Variants in LRRC49 observed in about 807,000 individuals in gnomAD.
LRRC49 encodes the protein leucine rich repeat containing 49, also known as leucine-rich repeat-containing protein 49.
In LRRC49, 50 loss-of-function variants were observed where a neutral mutation model predicts 83.3. The ratio of observed to expected loss-of-function variants is 0.60; its 90% confidence interval spans 0.48 to 0.76. The LOEUF (loss-of-function observed/expected upper bound fraction) is 0.76. LRRC49 is among the 30% of genes least tolerant of loss of function. The pLI is 0.00. For synonymous variants in LRRC49, 286 were observed against 283.3 expected (o/e 1.01, Z -0.10); for missense variants, 704 against 809.1 (o/e 0.87, Z 1.58).
intron 11 of LRRC49, among the ~76,000 whole-genome samples, chr15:71,006,523 A>G (rs2038463875): frequency 6.6e-6 from 1 of 152,034 alleles, no homozygotes; most frequent in Non-Finnish European, 1.5e-5. Flanking sequence ...CTGCCCCTTT[A>G]CTGAAACTAT....
intron 1 of LRRC49, among the ~76,000 whole-genome samples, chr15:70,855,578 A>G (rs1316145449): frequency 6.6e-6 from 1 of 152,192 alleles, no homozygotes; most frequent in Non-Finnish European, 1.5e-5. Context: ...TGTCCTTGTA[A>G]AAGAACACCA....
Position 70,962,628 on chromosome 15 carries a change from T to A in LRRC49, c.774-1157T>A, listed in dbSNP as rs149181917. Among the ~76,000 whole-genome samples the A allele has an allele frequency of 1.3e-3, 199 of 150,460 alleles. 3 individuals carry two copies. In the East Asian group the frequency reaches 0.038, roughly 28 times the overall value. On this transcript the variant is annotated intron_variant, in intron 8 of 15. Transcript: ENST00000260382. ...AGTGCTCAGAAAAAGAAAAAAAAAA[T>A]CCACATCGATGGGAACCAAAGGGAC...
intron 11 of LRRC49, among the ~76,000 whole-genome samples, chr15:70,993,759 GT>G (rs1567089204): frequency 6.6e-6 from 1 of 152,176 alleles, no homozygotes; most frequent in East Asian, 1.9e-4. Flanking sequence ...TTATTTTTCA[GT>G]TTCAAGTTTA....
At chr15:71,002,577 A>G (rs1028010402) in intron 11 of LRRC49, among the ~76,000 whole-genome samples, 3 of 152,048 alleles carry the variant, frequency 2.0e-5, no homozygotes, top group East Asian at 3.8e-4. Flanking sequence ...TTTCCTGTCT[A>G]TGAACACTGT....
intron 8 of LRRC49, among the ~76,000 whole-genome samples, chr15:70,940,670 T>C (rs1037691066): frequency 6.6e-6 from 1 of 152,202 alleles, no homozygotes; most frequent in Non-Finnish European, 1.5e-5. Flanking sequence ...GGAAAATCAT[T>C]TCCCTTAGTT....
intron 11 of LRRC49, among the ~76,000 whole-genome samples, chr15:71,007,972 A>G (rs2038519419): frequency 6.6e-6 from 1 of 151,704 alleles, no homozygotes; most frequent in Admixed American, 6.6e-5. Flanking sequence ...TTTTATATGT[A>G]TGGTTCTTAC....
intron 1 of LRRC49, among the ~76,000 whole-genome samples, chr15:70,861,078 A>C (rs1368122666): frequency 6.6e-6 from 1 of 152,226 alleles, no homozygotes; most frequent in African/African-American, 2.4e-5. Flanking sequence ...TATTTTAGAA[A>C]GAAAGAATCT....
At chr15:70,892,383 C>G (rs750744862), upstream of LRRC49, 1 of 1,545,384 alleles carries the variant, frequency 6.5e-7, no homozygotes, top group Admixed American at 2.0e-5. Flanking sequence ...CTGTCCACTC[C>G]GGGTCGGGAT....
chr15:70,910,295 G>T (rs2034498061), intron 5 of LRRC49, among the ~76,000 whole-genome samples: 1 of 152,130 alleles, frequency 6.6e-6, no homozygotes, highest in South Asian at 2.1e-4. Context: ...ATAAAGTGGA[G>T]ACAGAAATTA....
chr15:71,029,909 G>A (rs572916434), intron 14 of LRRC49, among the ~76,000 whole-genome samples: 1 of 151,948 alleles, frequency 6.6e-6, no homozygotes, highest in African/African-American at 2.4e-5. Context: ...GAGCCTATGT[G>A]TGTCTCTGCA....
chr15:70,885,560 T>C, intron 2 of LRRC49, among the ~76,000 whole-genome samples: 1 of 152,024 alleles, frequency 6.6e-6, no homozygotes, highest in East Asian at 1.9e-4. Context: ...CACAGAAAGA[T>C]TGAAAGTAGA....
At chr15:70,975,170 A>C (rs2037162488) in intron 9 of LRRC49, among the ~76,000 whole-genome samples, 1 of 152,174 alleles carries the variant, frequency 6.6e-6, no homozygotes, top group Non-Finnish European at 1.5e-5. Context: ...AGGGCAGACA[A>C]TAAACTAGAG....
chr15:70,960,120 A>G (rs1288153663), intron 8 of LRRC49, among the ~76,000 whole-genome samples: 1 of 152,214 alleles, frequency 6.6e-6, no homozygotes, highest in East Asian at 1.9e-4. Context: ...GTACTTTTCT[A>G]TAAGTGGTTT....
intron 9 of LRRC49, among the ~76,000 whole-genome samples, chr15:70,979,342 T>C (rs866399423): frequency 1.3e-5 from 2 of 152,240 alleles, no homozygotes; most frequent in Middle Eastern, 3.4e-3. Flanking sequence ...TGTTGAGGTA[T>C]GATTGATGAA....
Position 71,049,481 on chromosome 15 carries a change from A to G in LRRC49, c.1930A>G (p.Met644Val), listed in dbSNP as rs2141317527. The change falls in exon 16 of 16, where the codon ATG becomes GTG. Residue 644 changes from methionine to valine, a missense_variant. Around this residue, in one of 3 missense-constraint regions of LRRC49, gnomAD observed 275 missense variants for 338.0 expected, o/e 0.81. Coordinates refer to ENST00000260382, the MANE Select transcript of LRRC49 (RefSeq NM_017691.5). ...DLVKEATEIN[M>V]KNEALQKLWP... ...TGTGAAGGAAGCCACAGAAATCAACATGAAAAATGAGGCTTTGCAGAAGCT... is the reference window on the plus strand; with the variant it reads ...TGTGAAGGAAGCCACAGAAATCAACGTGAAAAATGAGGCTTTGCAGAAGCT... The G allele has an allele frequency of 6.2e-7, 1 of 1,613,748 alleles. No individual in the cohort carries two copies. The highest frequency in any genetic ancestry group is 2.2e-5 in the East Asian group (1 of 44,868).
chr15:70,860,987 A>G (rs2032775483), intron 1 of LRRC49, among the ~76,000 whole-genome samples: 1 of 152,176 alleles, frequency 6.6e-6, no homozygotes. Flanking sequence ...TGTCGAACCC[A>G]AGGATGGAAG....
intron 7 of LRRC49, among the ~76,000 whole-genome samples, chr15:70,935,237 A>G (rs1342360356): frequency 6.6e-6 from 1 of 152,162 alleles, no homozygotes; most frequent in Non-Finnish European, 1.5e-5. Context: ...GTAATGTCAA[A>G]TGAATGGTAT....
At chr15:70,949,157 A>C (rs921591152) in intron 8 of LRRC49, among the ~76,000 whole-genome samples, 2 of 152,214 alleles carry the variant, frequency 1.3e-5, no homozygotes, top group Non-Finnish European at 1.5e-5. Context: ...GTGATAGAGC[A>C]TATTTGGCCT....
chr15:70,979,509 A>T (rs2037324591), intron 9 of LRRC49, among the ~76,000 whole-genome samples: 1 of 151,950 alleles, frequency 6.6e-6, no homozygotes, highest in Non-Finnish European at 1.5e-5. Flanking sequence ...AAATGCCAAG[A>T]TTACAATACA....
Sources: allele counts gnomAD v4.1 joint callset (sites outside exome capture counted in the v4.1 genomes callset), GRCh38; gene constraint gnomAD v4.1.1; regional missense constraint gnomAD v4.1.1; transcripts MANE v1.5; gene names NCBI Gene and HGNC (gene_info 2026-07-23, HGNC 2026-07-21).